Variants in DOCK4 observed in about 807,000 individuals in gnomAD.
The protein encoded by DOCK4 is dedicator of cytokinesis 4.
A neutral mutation model predicts 268.1 loss-of-function variants in DOCK4; 97 were observed. The observed-to-expected ratio is 0.36, with a 90% CI of 0.31 to 0.43. The LOEUF is 0.43. Among genes scored for constraint, DOCK4 ranks in the 20% least tolerant of loss-of-function variants. The pLI is 1.00. For synonymous variants in DOCK4, 954 were observed against 887.2 expected (o/e 1.08, Z -1.34); for missense variants, 2,145 against 2,455.7 (o/e 0.87, Z 2.67).
chr7:112,196,158 G>A (rs1467133488), intron 1 of DOCK4, among the ~76,000 whole-genome samples: 4 of 152,088 alleles, frequency 2.6e-5, no homozygotes, highest in East Asian at 3.9e-4. Flanking sequence ...TCTCTACAAC[G>A]CGAAGGACTG....
intron 1 of DOCK4, among the ~76,000 whole-genome samples, chr7:112,158,387 G>A (rs1053626036): frequency 2.6e-5 from 4 of 152,128 alleles, no homozygotes; most frequent in African/African-American, 9.7e-5. Flanking sequence ...AGACACAACA[G>A]TAAATTTAGC....
chr7:111,971,334 A>G (rs1190228800), intron 8 of DOCK4: 2 of 174,312 alleles, frequency 1.1e-5, no homozygotes, highest in Admixed American at 1.2e-4. Context: ...CATCGTATCT[A>G]TTGTTGTAAT....
chr7:112,038,621 A>G (rs1008008873), intron 1 of DOCK4, among the ~76,000 whole-genome samples: 7 of 152,214 alleles, frequency 4.6e-5, no homozygotes, highest in Non-Finnish European at 1.0e-4. Context: ...AGGACAGGCT[A>G]CCCACTCAGT....
chr7:111,845,451 G>A (rs866084208), intron 24 of DOCK4, among the ~76,000 whole-genome samples: 2 of 152,206 alleles, frequency 1.3e-5, no homozygotes, highest in Middle Eastern at 3.4e-3. Context: ...AAGGTCAGTG[G>A]CCATGTGGAA....
chr7:112,056,289 A>G (rs1805810570), intron 1 of DOCK4, among the ~76,000 whole-genome samples: 1 of 152,230 alleles, frequency 6.6e-6, no homozygotes, highest in Admixed American at 6.5e-5. Context: ...AGTTAGGTCC[A>G]CAAGAAGAGC....
intron 16 of DOCK4, among the ~76,000 whole-genome samples, chr7:111,879,499 T>C (rs1451799821): frequency 6.6e-6 from 1 of 152,096 alleles, no homozygotes. Context: ...CACAGTGGGG[T>C]AGAGCACCAA....
At chr7:111,895,830 A>G in intron 15 of DOCK4, 112 bp from the exon 16 acceptor site, 2 of 928,290 alleles carry the variant, frequency 2.2e-6, no homozygotes, top group Non-Finnish European at 3.4e-6. Context: ...TTCCCACTAC[A>G]CAATGCAGCA....
chr7:111,970,911 CA>C (rs1253183587), intron 8 of DOCK4, among the ~76,000 whole-genome samples: 2 of 152,142 alleles, frequency 1.3e-5, no homozygotes, highest in Admixed American at 6.5e-5. Context: ...GGGCCACCTT[CA>C]GGGATATTCA....
At chr7:111,857,422 A>AT (rs1318149946) in intron 23 of DOCK4, among the ~76,000 whole-genome samples, 1 of 152,218 alleles carries the variant, frequency 6.6e-6, no homozygotes, top group African/African-American at 2.4e-5. Context: ...AAAACACTTG[A>AT]TTTTTTAGTC....
At chr7:112,067,835 C>T (rs950257335) in intron 1 of DOCK4, among the ~76,000 whole-genome samples, 1 of 152,202 alleles carries the variant, frequency 6.6e-6, no homozygotes, top group African/African-American at 2.4e-5. Context: ...TGGAAAACTA[C>T]AGCAGACATC....
chr7:111,765,302 T>C, intron 38 of DOCK4, 80 bp from the exon 39 acceptor site: 1 of 850,628 alleles, frequency 1.2e-6, no homozygotes, highest in Non-Finnish European at 1.8e-6. Flanking sequence ...ATTTCTTTTT[T>C]ACATAAAGGA....
At chr7:111,830,142 G>A (rs897345292) in intron 26 of DOCK4, among the ~76,000 whole-genome samples, 11 of 152,124 alleles carry the variant, frequency 7.2e-5, no homozygotes, top group African/African-American at 1.7e-4. Flanking sequence ...CTTTTATAAG[G>A]TGATATATGA....
intron 27 of DOCK4, among the ~76,000 whole-genome samples, chr7:111,816,672 C>T (rs569422534): frequency 1.3e-5 from 2 of 152,308 alleles, no homozygotes; most frequent in African/African-American, 4.8e-5. Flanking sequence ...TTTTTTACCA[C>T]TGCATCCACA....
chr7:111,910,963 C>A (rs774594984), intron 13 of DOCK4, among the ~76,000 whole-genome samples: 2 of 152,184 alleles, frequency 1.3e-5, no homozygotes, highest in Non-Finnish European at 2.9e-5. Context: ...AGAATTTCTG[C>A]GCCTACGTTT....
chr7:111,830,297 G>A (rs540982681), intron 26 of DOCK4, among the ~76,000 whole-genome samples: 11 of 152,174 alleles, frequency 7.2e-5, no homozygotes, highest in African/African-American at 1.7e-4. Context: ...GTGGTGGCGC[G>A]TGCCTGTAGT....
At position 112,206,206 on chromosome 7, in the gene DOCK4, C is replaced by A. The variant is rs1821395578; in HGVS notation, c.-68G>T. On this transcript the variant is annotated 5_prime_UTR_variant, in exon 1 of 53. Transcript: ENST00000428084. Reference sequence around the variant, plus strand: ...GCCCCTTCTCCGGCTCACAACAATGCACAGTCCCCGAGCAGCGCTGCAGTG... The same window carrying A: ...GCCCCTTCTCCGGCTCACAACAATGAACAGTCCCCGAGCAGCGCTGCAGTG... The A allele has an allele frequency of 1.3e-6, 2 of 1,502,226 alleles. No individual in the cohort carries two copies. The highest frequency in any genetic ancestry group is 1.2e-5 in the South Asian group (1 of 83,112). 93.1% of individuals were successfully genotyped at this position (1,502,226 alleles called of 1,614,324 possible). A position where few individuals can be genotyped will look rare whatever the true frequency, so the allele number is the denominator to read the frequency against.
chr7:112,002,173 C>T (rs978331794), intron 2 of DOCK4, among the ~76,000 whole-genome samples: 1 of 152,118 alleles, frequency 6.6e-6, no homozygotes, highest in African/African-American at 2.4e-5. Context: ...TCGTCCCTAA[C>T]AGTTTTAAAA....
chr7:111,981,574 G>GA (rs1303275529), intron 7 of DOCK4, among the ~76,000 whole-genome samples: 1 of 152,172 alleles, frequency 6.6e-6, no homozygotes, highest in Admixed American at 6.5e-5. Flanking sequence ...CTGCCTTAAA[G>GA]AAAAGCACAT....
chr7:112,055,450 G>C (rs1805727075), intron 1 of DOCK4, among the ~76,000 whole-genome samples: 1 of 152,108 alleles, frequency 6.6e-6, no homozygotes, highest in South Asian at 2.1e-4. Flanking sequence ...GGAATACCTG[G>C]AGAAAACCCA....
Sources: allele counts gnomAD v4.1 joint callset (sites outside exome capture counted in the v4.1 genomes callset), GRCh38; gene constraint gnomAD v4.1.1; transcripts MANE v1.5; gene names NCBI Gene and HGNC (gene_info 2026-07-23, HGNC 2026-07-21).